CHCHD3: variants seen among roughly 807,000 people sequenced by gnomAD.
The protein encoded by CHCHD3 is MICOS complex subunit MIC19.
Under a neutral mutation model 38.2 loss-of-function variants are expected in CHCHD3, and 20 were observed. The ratio of observed to expected loss-of-function variants is 0.52; its 90% CI spans 0.37 to 0.76. CHCHD3 has a LOEUF of 0.76. Ranked by LOEUF, CHCHD3 falls within the 30% of genes least tolerant of loss-of-function variation. The probability of loss-of-function intolerance (pLI) is 0.00; values close to 1 mark genes in which losing one functional copy is unlikely to be tolerated. For missense variants in CHCHD3, 245 were observed against 279.2 expected, an observed-to-expected ratio of 0.88 and a Z score of 0.87; for synonymous variants, 82 against 100.0, an observed-to-expected ratio of 0.82 and a Z score of 1.07.
At chr7:133,016,168 T>A (rs1813026065) in intron 3 of CHCHD3, among the ~76,000 whole-genome samples, 1 of 152,180 alleles carries the variant, frequency 6.6e-6, no homozygotes, top group South Asian at 2.1e-4. Context: ...TCTTACCCTC[T>A]CTGTTTCCTC....
chr7:132,862,369 T>C (rs1432044270), intron 5 of CHCHD3, among the ~76,000 whole-genome samples: 5 of 152,250 alleles, frequency 3.3e-5, no homozygotes, highest in African/African-American at 9.6e-5. Context: ...AACTTTTTGG[T>C]TTCCCAGTGC....
intron 3 of CHCHD3, among the ~76,000 whole-genome samples, chr7:133,011,858 T>C (rs771676966): frequency 2.2e-4 from 34 of 152,232 alleles, no homozygotes; most frequent in Non-Finnish European, 4.0e-4. Context: ...TTACAGTTAA[T>C]ATTCTTTCTG....
chr7:132,835,938 G>C (rs1272424869), intron 6 of CHCHD3, among the ~76,000 whole-genome samples: 1 of 152,192 alleles, frequency 6.6e-6, no homozygotes, highest in Non-Finnish European at 1.5e-5. Flanking sequence ...GGGAGCAGAT[G>C]GCCATCTATA....
chr7:133,066,168 CA>C lies in CHCHD3; in HGVS notation c.169+3973del, dbSNP rs1814663436. Among the ~76,000 whole-genome samples the C allele has an allele frequency of 4.6e-5, 7 of 152,214 alleles. No homozygotes were observed. The South Asian group carries it at 1.5e-3, about 32-fold the overall frequency. On this transcript the variant is annotated intron_variant, in intron 2 of 7. Coordinates refer to ENST00000262570, the MANE Select transcript of CHCHD3 (RefSeq NM_017812.4). ...GTTTTCATTTGATCGACTTAATTTT[CA>C]CTTAACTTTTAAGAGCCACATGTGA...
intron 3 of CHCHD3, among the ~76,000 whole-genome samples, chr7:133,020,654 G>A (rs1813153438): frequency 6.6e-6 from 1 of 152,214 alleles, no homozygotes; most frequent in Admixed American, 6.5e-5. Flanking sequence ...CAGTCCTGCT[G>A]CTGTTGTCAT....
chr7:132,985,393 G>A (rs1250949534), intron 3 of CHCHD3, among the ~76,000 whole-genome samples: 2 of 71,016 alleles, frequency 2.8e-5, no homozygotes, highest in Admixed American at 1.4e-4. Flanking sequence ...TCAGCCCCCC[G>A]CCCGGCCAGC....
intron 2 of CHCHD3, among the ~76,000 whole-genome samples, chr7:133,038,659 G>T (rs1813744633): frequency 6.6e-6 from 1 of 152,200 alleles, no homozygotes; most frequent in Non-Finnish European, 1.5e-5. Context: ...ATCAGCTGAG[G>T]TTAAGCTAAG....
At chr7:133,025,327 T>C (rs1813305898) in intron 2 of CHCHD3, among the ~76,000 whole-genome samples, 1 of 152,298 alleles carries the variant, frequency 6.6e-6, no homozygotes, top group Non-Finnish European at 1.5e-5. Flanking sequence ...ACAGCTATGA[T>C]GGTAAATAAA....
At chr7:132,965,630 T>A (rs965310053) in intron 4 of CHCHD3, among the ~76,000 whole-genome samples, 1 of 152,148 alleles carries the variant, frequency 6.6e-6, no homozygotes, top group Non-Finnish European at 1.5e-5. Flanking sequence ...ATATGTAACC[T>A]ATGGATAGGT....
At chr7:132,986,002 G>A (rs551176538) in intron 3 of CHCHD3, among the ~76,000 whole-genome samples, 25 of 151,788 alleles carry the variant, frequency 1.6e-4, no homozygotes, top group African/African-American at 6.0e-4. Context: ...TCGGATGGTT[G>A]CCATGTCTGT....
intron 5 of CHCHD3, among the ~76,000 whole-genome samples, chr7:132,857,273 G>A (rs1349606068): frequency 6.6e-6 from 1 of 152,214 alleles, no homozygotes; most frequent in Non-Finnish European, 1.5e-5. Flanking sequence ...ACTTTAACGT[G>A]TAAAGACCTT....
chr7:132,802,736 TAC>T (rs1806824351), intron 6 of CHCHD3, among the ~76,000 whole-genome samples: 1 of 152,204 alleles, frequency 6.6e-6, no homozygotes, highest in Non-Finnish European at 1.5e-5. Flanking sequence ...GCAATAATTG[TAC>T]AGAGTTTGGT....
At chr7:132,828,531 A>C (rs965337774) in intron 6 of CHCHD3, among the ~76,000 whole-genome samples, 4 of 152,218 alleles carry the variant, frequency 2.6e-5, no homozygotes, top group African/African-American at 9.6e-5. Flanking sequence ...GAAAAATCAG[A>C]AGAGCCAGAA....
intron 2 of CHCHD3, among the ~76,000 whole-genome samples, chr7:133,027,752 G>A (rs1456986124): frequency 1.3e-5 from 2 of 152,102 alleles, no homozygotes; most frequent in Non-Finnish European, 2.9e-5. Flanking sequence ...GAAACCCCTA[G>A]AACAGAATTC....
chr7:132,860,606 C>T (rs899001553), intron 5 of CHCHD3, among the ~76,000 whole-genome samples: 3 of 151,764 alleles, frequency 2.0e-5, no homozygotes, highest in African/African-American at 7.3e-5. Flanking sequence ...CGGTTTTCAG[C>T]AAAGAAACGA....
At chr7:132,912,259 T>C (rs1323798080) in intron 4 of CHCHD3, among the ~76,000 whole-genome samples, 2 of 152,188 alleles carry the variant, frequency 1.3e-5, no homozygotes, top group African/African-American at 2.4e-5. Context: ...GATTCAACTG[T>C]CTAAGTGGAA....
intron 6 of CHCHD3, among the ~76,000 whole-genome samples, chr7:132,823,449 G>A (rs906841150): frequency 6.6e-6 from 1 of 152,170 alleles, no homozygotes; most frequent in African/African-American, 2.4e-5. Context: ...TTATGTGAAT[G>A]TAGTCTTTCA....
chr7:132,943,478 A>G (rs1236966936), intron 4 of CHCHD3, among the ~76,000 whole-genome samples: 1 of 152,162 alleles, frequency 6.6e-6, no homozygotes, highest in East Asian at 1.9e-4. Flanking sequence ...GAGAATAGAT[A>G]AATTACTTAT....
Position 132,957,051 on chromosome 7 carries a change from GAT to G in CHCHD3, c.369+18116_369+18117del, listed in dbSNP as rs1811192386. ...CCAAGCCAGCCCAAATGTGCAGAAA[GAT>G]CCCTGCCTTCTTGTTCTCTGTTCAG... is the stretch of plus-strand genomic sequence containing the variant. On this transcript the variant is annotated intron_variant, in intron 4 of 7. Transcript: ENST00000262570. Among the ~76,000 whole-genome samples the G allele has an allele frequency of 3.9e-5, 6 of 152,264 alleles. No homozygotes were observed. In the South Asian group the frequency reaches 1.2e-3, roughly 32 times the overall value.
Sources: gnomAD v4.1 joint callset for allele counts (sites outside exome capture counted in the v4.1 genomes callset) on GRCh38, gnomAD v4.1.1 for gene constraint, MANE v1.5 for transcripts, NCBI Gene and HGNC (gene_info 2026-07-23, HGNC 2026-07-21) for gene names.